The following ABCA10 variants were observed in gnomAD, a reference collection of about 807,000 sequenced individuals.
The protein encoded by ABCA10 is ATP-binding cassette sub-family A member 10.
In ABCA10, 169 loss-of-function variants were observed where a neutral mutation model predicts 187.5. That is an observed-to-expected ratio of 0.90 (90% CI 0.80 to 1.02). ABCA10 has a LOEUF of 1.02. Among genes scored for constraint, ABCA10 ranks in the 50% least tolerant of loss-of-function variants. The pLI is 0.00. For synonymous variants in ABCA10, 574 were observed against 601.8 expected (o/e 0.95, Z 0.68); for missense variants, 1,727 against 1,812.4 (o/e 0.95, Z 0.86).
chr17:69,196,595 G>A lies in ABCA10; in HGVS notation c.1234+469C>T, dbSNP rs1453317794. On this transcript the variant is annotated intron_variant, in intron 11 of 38. Transcript: ENST00000690296. ...GGGCAGCCAGGCAGAGACGCTCCTC[G>A]CTTCCCAGATGGGGTGGCGGCCGGG... is the stretch of plus-strand genomic sequence containing the variant. The A allele has an allele frequency of 3.7e-5, 7 of 187,838 alleles. No individual in the cohort carries two copies. The South Asian group carries it at 4.5e-4, about 12-fold the overall frequency. 11.6% of individuals were successfully genotyped at this position (187,838 alleles called of 1,614,324 possible).
At chr17:69,209,935 A>G (rs559314037) in intron 9 of ABCA10, among the ~76,000 whole-genome samples, 82 of 152,154 alleles carry the variant, frequency 5.4e-4, no homozygotes, top group African/African-American at 1.9e-3. Flanking sequence ...ATCTTCTGTG[A>G]CCACTGTGGT....
chr17:69,182,897 G>A (rs1228098192), intron 20 of ABCA10, 89 bp from the exon 21 acceptor site: 13 of 1,477,058 alleles, frequency 8.8e-6, no homozygotes, highest in South Asian at 5.8e-5. Context: ...ATTGCCAATC[G>A]TGTTAAGAAA....
chr17:69,148,935 A>G lies in ABCA10; in HGVS notation c.4534-10T>C, dbSNP rs1419595460. Reference sequence around the variant, plus strand: ...AGAGTTCTAAGAATACCTAAGTAAGAGAAAATAAAAAAGATACAAAAATGT... The same window carrying G: ...AGAGTTCTAAGAATACCTAAGTAAGGGAAAATAAAAAAGATACAAAAATGT... On this transcript the variant is annotated splice_polypyrimidine_tract_variant and intron_variant, in intron 38 of 38. Transcript: ENST00000690296. 4.3e-6 allele frequency: 7 copies of G among 1,613,020 alleles called. No homozygotes were observed. The highest frequency in any genetic ancestry group is 1.6e-4 in the Middle Eastern group (1 of 6,072).
At chr17:69,186,818 T>G (rs2074425374) in intron 19 of ABCA10, among the ~76,000 whole-genome samples, 1 of 152,172 alleles carries the variant, frequency 6.6e-6, no homozygotes, top group South Asian at 2.1e-4. Context: ...ATATAAGTTA[T>G]TTAGTTTTAT....
intron 22 of ABCA10, chr17:69,178,993 TC>T (rs1422436438): frequency 6.6e-6 from 1 of 152,076 alleles, no homozygotes; most frequent in Non-Finnish European, 1.5e-5. Context: ...ATTAATTTTG[TC>T]TAGATTTATA....
chr17:69,175,758 G>A, intron 22 of ABCA10: 1 of 276,138 alleles, frequency 3.6e-6, no homozygotes, highest in Non-Finnish European at 6.9e-6. Flanking sequence ...GTTTCCACAG[G>A]GGATATATTC....
intron 9 of ABCA10, among the ~76,000 whole-genome samples, chr17:69,210,489 T>C (rs1199844676): frequency 6.6e-6 from 1 of 152,054 alleles, no homozygotes; most frequent in Non-Finnish European, 1.5e-5. Context: ...GCGCCCGGCC[T>C]TTAGTGGTTA....
At chr17:69,218,226 T>C (rs1167014442) in intron 6 of ABCA10, among the ~76,000 whole-genome samples, 1 of 152,156 alleles carries the variant, frequency 6.6e-6, no homozygotes, top group Non-Finnish European at 1.5e-5. Context: ...TGGTATGCAT[T>C]TCTGTAGGCC....
At chr17:69,210,167 TTTC>T (rs1464680041) in intron 9 of ABCA10, among the ~76,000 whole-genome samples, 5 of 136,402 alleles carry the variant, frequency 3.7e-5, no homozygotes, top group African/African-American at 1.2e-4. Flanking sequence ...TTAGTGGTTA[TTTC>T]TTTTTTTTTT....
intron 34 of ABCA10, 78 bp from the exon 35 acceptor site, chr17:69,152,559 T>G (rs1003063024): frequency 6.6e-7 from 1 of 1,522,580 alleles, no homozygotes; most frequent in Non-Finnish European, 8.8e-7. Context: ...GCAGGAAATC[T>G]AAAGAGAAAA....
At chr17:69,181,317 A>G (rs976767890) in intron 22 of ABCA10, among the ~76,000 whole-genome samples, 6 of 152,310 alleles carry the variant, frequency 3.9e-5, no homozygotes, top group Middle Eastern at 3.4e-3. Flanking sequence ...GATTTAAGTA[A>G]ATACGCATTG....
intron 9 of ABCA10, among the ~76,000 whole-genome samples, chr17:69,202,704 GAT>G (rs2074556272): frequency 6.6e-6 from 1 of 152,052 alleles, no homozygotes; most frequent in African/African-American, 2.4e-5. Context: ...TTTATCAAGA[GAT>G]AGTTCATTTC....
chr17:69,210,170 C>CTTTTTTTTTTTTTTTTTTTT (rs1160992125), intron 9 of ABCA10, among the ~76,000 whole-genome samples: 2 of 70,878 alleles, frequency 2.8e-5, no homozygotes, highest in African/African-American at 6.7e-5. Flanking sequence ...GTGGTTATTT[C>CTTTTTTTTTTTTTTTTTTTT]TTTTTTTTTT....
chr17:69,202,641 C>A (rs543604832), intron 9 of ABCA10, among the ~76,000 whole-genome samples: 1 of 152,044 alleles, frequency 6.6e-6, no homozygotes, highest in East Asian at 1.9e-4. Context: ...TTTTTTCAAC[C>A]AAATACATAG....
At chr17:69,207,393 A>C (rs2074599593) in intron 9 of ABCA10, among the ~76,000 whole-genome samples, 1 of 152,218 alleles carries the variant, frequency 6.6e-6, no homozygotes, top group African/African-American at 2.4e-5. Flanking sequence ...TCTGGTATAC[A>C]TCCTAAGGGA....
At chr17:69,152,996 AACATCAT>A (rs1005670551) in intron 34 of ABCA10, among the ~76,000 whole-genome samples, 1 of 152,100 alleles carries the variant, frequency 6.6e-6, no homozygotes, top group Admixed American at 6.5e-5. Flanking sequence ...AAAATACAGA[AACATCAT>A]ACTATATGAC....
chr17:69,212,235 C>T (rs753106203), intron 9 of ABCA10, among the ~76,000 whole-genome samples: 4 of 151,982 alleles, frequency 2.6e-5, no homozygotes, highest in Non-Finnish European at 2.9e-5. Context: ...CATTGTTGAC[C>T]GAACAATCAT....
At position 69,198,761 on chromosome 17, in the gene ABCA10, C is replaced by T. The variant is rs143300099; in HGVS notation, c.1176-1639G>A. Among the ~76,000 whole-genome samples the T allele has an allele frequency of 3.7e-3, 565 of 152,256 alleles. 3 individuals carry two copies. Among genetic ancestry groups the T allele is most frequent in the African/African-American group, 0.013 (529 of 41,538 alleles). On this transcript the variant is annotated intron_variant, in intron 10 of 38. Transcript: ENST00000690296. ...CAATATTTCCAGCAACTCACTTTTCCTGACCAGACCTAGACTGGTAAAATA... is the reference window on the plus strand; with the variant it reads ...CAATATTTCCAGCAACTCACTTTTCTTGACCAGACCTAGACTGGTAAAATA...
chr17:69,193,636 A>T lies in ABCA10; in HGVS notation c.1522-24T>A, dbSNP rs913532118. 3 of 1,579,678 alleles carry T rather than the reference A, an allele frequency of 1.9e-6. No homozygotes were observed. The Admixed American group carries it at 5.5e-5, about 29-fold the overall frequency. On this transcript the variant is annotated intron_variant, in intron 13 of 38. Transcript: ENST00000690296. Reference sequence around the variant, plus strand: ...ACCTATCAAAGAAAACTCTGTGTTAACAATATCAAATATTTTACTTTAAGG... The same window carrying T: ...ACCTATCAAAGAAAACTCTGTGTTATCAATATCAAATATTTTACTTTAAGG...
Sources: gnomAD v4.1 joint callset for allele counts (sites outside exome capture counted in the v4.1 genomes callset) on GRCh38, gnomAD v4.1.1 for gene constraint, MANE v1.5 for transcripts, NCBI Gene and HGNC (gene_info 2026-07-23, HGNC 2026-07-21) for gene names.